The following UBTD2 variants were observed in gnomAD, a reference collection of about 807,000 sequenced individuals.
UBTD2 encodes the protein ubiquitin domain-containing protein 2.
UBTD2 carries 9 observed loss-of-function variants against 19.8 expected under a neutral mutation model. The observed-to-expected ratio is 0.46, with a 90% CI of 0.27 to 0.79. The LOEUF (loss-of-function observed/expected upper bound fraction) is 0.79, where lower values mean the gene tolerates loss of function less well. Ranked by LOEUF, UBTD2 falls within the 30% of genes least tolerant of loss-of-function variation. UBTD2 has a pLI of 0.14. For missense variants in UBTD2, 250 were observed against 300.4 expected (o/e 0.83, Z 1.24); for synonymous variants, 98 against 103.9 (o/e 0.94, Z 0.35).
intron 1 of UBTD2, among the ~76,000 whole-genome samples, chr5:172,251,343 G>A (rs902920822): frequency 2.2e-4 from 32 of 144,722 alleles, no homozygotes; most frequent in African/African-American, 8.3e-4. Flanking sequence ...AGCCACTAAA[G>A]TATTTAAAGA....
chr5:172,222,080 T>C (rs887474844), intron 2 of UBTD2, among the ~76,000 whole-genome samples: 3 of 152,340 alleles, frequency 2.0e-5, no homozygotes, highest in East Asian at 1.9e-4. Context: ...TTTAAGTCTA[T>C]AGGTTTATGG....
chr5:172,283,572 G>T lies in UBTD2; in HGVS notation c.70+24C>A. ...CTGGCCGGGAACAATGGGGGGCCGA[G>T]GCTGCCCCCTGGCGCTCACCTACCT... On this transcript the variant is annotated intron_variant, in intron 1 of 2. Coordinates refer to ENST00000393792, the MANE Select transcript of UBTD2 (RefSeq NM_152277.3). The surrounding 1 kb of genome is among the most constrained non-coding windows in gnomAD (Gnocchi z 4.3). 1 of 1,295,804 alleles carries T rather than the reference G, an allele frequency of 7.7e-7. No homozygotes were observed. The highest frequency in any genetic ancestry group is 9.8e-7 in the Non-Finnish European group (1 of 1,015,252). 80.3% of individuals were successfully genotyped at this position (1,295,804 alleles called of 1,614,324 possible).
At chr5:172,271,302 G>A (rs928600452) in intron 1 of UBTD2, among the ~76,000 whole-genome samples, 3 of 151,922 alleles carry the variant, frequency 2.0e-5, no homozygotes, top group Admixed American at 6.6e-5. Flanking sequence ...GGTGGCAGGC[G>A]CTTGTAGTCC....
chr5:172,282,435 T>C (rs1178648032), intron 1 of UBTD2, among the ~76,000 whole-genome samples: 1 of 152,194 alleles, frequency 6.6e-6, no homozygotes, highest in Non-Finnish European at 1.5e-5. Context: ...TGGCTAACCA[T>C]CATGGAATTC....
chr5:172,242,437 G>A (rs1253608026), intron 1 of UBTD2: 5 of 985,280 alleles, frequency 5.1e-6, no homozygotes, highest in Admixed American at 6.2e-5. Flanking sequence ...ATGTAGGCCA[G>A]CATTTCTCAG....
chr5:172,233,077 C>T (rs976942566), intron 2 of UBTD2, among the ~76,000 whole-genome samples: 3 of 152,120 alleles, frequency 2.0e-5, no homozygotes, highest in African/African-American at 7.2e-5. Context: ...TGCACCACTG[C>T]ACTCCAGCCT....
In UBTD2 at chr5:172,260,508, C is replaced by CG. The variant is rs1420883711; in HGVS notation, c.70+23087_70+23088insC. Among the ~76,000 whole-genome samples, 20 of 134,558 alleles carry CG rather than the reference C, an allele frequency of 1.5e-4. No individual in the cohort carries two copies. The East Asian group carries it at 4.7e-3, about 31-fold the overall frequency. The allele number at this position is 134,558 out of a possible 152,430, so 88.3% of individuals were successfully genotyped here. A position where few individuals can be genotyped will look rare whatever the true frequency, so the allele number is the denominator to read the frequency against. On this transcript the variant is annotated intron_variant, in intron 1 of 2. Transcript: ENST00000393792. ...TTTTCACTTACGTGCTTGCCTTATG[C>CG]AGGTATATCATAGGTTTTAGTCAGC...
At chr5:172,273,659 AT>A (rs1207777088) in intron 1 of UBTD2, among the ~76,000 whole-genome samples, 1 of 151,772 alleles carries the variant, frequency 6.6e-6, no homozygotes, top group Non-Finnish European at 1.5e-5. Context: ...TTGATAGAAA[AT>A]TGAAAATGGA....
intron 1 of UBTD2, among the ~76,000 whole-genome samples, chr5:172,248,046 C>G (rs1157164293): frequency 6.6e-6 from 1 of 151,998 alleles, no homozygotes; most frequent in Non-Finnish European, 1.5e-5. Flanking sequence ...TATAAAAAAA[C>G]TAATACACTC....
chr5:172,263,523 G>A (rs1026408709), intron 1 of UBTD2, among the ~76,000 whole-genome samples: 6 of 152,292 alleles, frequency 3.9e-5, no homozygotes, highest in East Asian at 1.9e-4. Flanking sequence ...GGCCGGGTGC[G>A]GTGGCTCACG....
chr5:172,239,678 C>T (rs1772088539), intron 1 of UBTD2, among the ~76,000 whole-genome samples: 1 of 152,140 alleles, frequency 6.6e-6, no homozygotes, highest in Admixed American at 6.5e-5. Flanking sequence ...GCCTTGGCCT[C>T]CCAAAGTGCT....
intron 1 of UBTD2, among the ~76,000 whole-genome samples, chr5:172,250,060 TA>T (rs893654723): frequency 1.3e-5 from 2 of 151,948 alleles, no homozygotes; most frequent in Non-Finnish European, 2.9e-5. Flanking sequence ...TCGTCTCTAC[TA>T]AAAATACAAA....
chr5:172,271,501 A>C (rs998594046), intron 1 of UBTD2, among the ~76,000 whole-genome samples: 1 of 149,874 alleles, frequency 6.7e-6, no homozygotes, highest in Non-Finnish European at 1.5e-5. Context: ...CCTGCCCCCC[A>C]CTCCTCCTTG....
chr5:172,252,384 C>T (rs1755042592), intron 1 of UBTD2: 1 of 152,150 alleles, frequency 6.6e-6, no homozygotes, highest in African/African-American at 2.4e-5. Flanking sequence ...GCCAGCGGCA[C>T]CAAAGACATG....
intron 1 of UBTD2, among the ~76,000 whole-genome samples, chr5:172,276,480 C>T (rs912150724): frequency 6.6e-6 from 1 of 152,176 alleles, no homozygotes; most frequent in African/African-American, 2.4e-5. Flanking sequence ...AACCATTCTT[C>T]TATCTGGTAT....
At chr5:172,216,757 G>C (rs1228873473) in intron 2 of UBTD2, among the ~76,000 whole-genome samples, 3 of 151,956 alleles carry the variant, frequency 2.0e-5, no homozygotes, top group Non-Finnish European at 4.4e-5. Flanking sequence ...CCTGAGCTCA[G>C]GAGTTCAAAA....
chr5:172,241,834 C>G (rs1772134819), intron 1 of UBTD2, among the ~76,000 whole-genome samples: 1 of 152,134 alleles, frequency 6.6e-6, no homozygotes, highest in African/African-American at 2.4e-5. Context: ...GCCTGGCCAA[C>G]ACGGCGAAAC....
intron 1 of UBTD2, among the ~76,000 whole-genome samples, chr5:172,282,179 T>C (rs1056628393): frequency 3.2e-4 from 49 of 152,336 alleles, no homozygotes; most frequent in South Asian, 2.9e-3. Flanking sequence ...TCAACACAAT[T>C]AGAGGAAGAT....
intron 1 of UBTD2, chr5:172,252,220 C>G (rs1352994279): frequency 6.6e-6 from 1 of 152,174 alleles, no homozygotes; most frequent in Non-Finnish European, 1.5e-5. Context: ...CACCTACCCT[C>G]CCAAAGTGAA....
Sources: allele counts gnomAD v4.1 joint callset (sites outside exome capture counted in the v4.1 genomes callset), GRCh38; gene constraint gnomAD v4.1.1; non-coding constraint Gnocchi (gnomAD v3.1); transcripts MANE v1.5; gene names NCBI Gene and HGNC (gene_info 2026-07-23, HGNC 2026-07-21).